Variants in CEBPZ observed in about 807,000 individuals in gnomAD.
CEBPZ encodes CCAAT enhancer binding protein zeta.
In CEBPZ, 78 loss-of-function variants were observed where a neutral mutation model predicts 104.5. The ratio of observed to expected loss-of-function variants is 0.75; its 90% CI spans 0.62 to 0.90. CEBPZ has a LOEUF of 0.90. CEBPZ is among the 40% of genes least tolerant of loss of function. The probability of loss-of-function intolerance (pLI) is 0.00; values close to 1 mark genes in which losing one functional copy is unlikely to be tolerated. For synonymous variants in CEBPZ, 470 were observed against 427.0 expected, an observed-to-expected ratio of 1.10 and a Z score of -1.24; for missense variants, 1,439 against 1,233.5, an observed-to-expected ratio of 1.17 and a Z score of -2.50.
At chr2:37,202,463 G>A (rs1209690676) in intron 15 of CEBPZ, 3 of 190,614 alleles carry the variant, frequency 1.6e-5, no homozygotes, top group Non-Finnish European at 2.2e-5. Flanking sequence ...TGGCCAACAT[G>A]GTGAAACCCT....
At chr2:37,222,612 C>A (rs1161777123) in intron 3 of CEBPZ, 49 bp from the exon 4 acceptor site, 4 of 1,366,832 alleles carry the variant, frequency 2.9e-6, no homozygotes, top group African/African-American at 1.5e-5. Context: ...CTGGAAGTTG[C>A]AATAAAGTCT....
chr2:37,217,357 C>T (rs530926886), intron 5 of CEBPZ, among the ~76,000 whole-genome samples: 2 of 152,226 alleles, frequency 1.3e-5, no homozygotes, highest in South Asian at 4.2e-4. Flanking sequence ...GCTGACATGG[C>T]ACCACTGCAC....
At chr2:37,221,902 G>T (rs1234257196) in intron 4 of CEBPZ, among the ~76,000 whole-genome samples, 2 of 152,150 alleles carry the variant, frequency 1.3e-5, no homozygotes, top group African/African-American at 4.8e-5. Flanking sequence ...TCTATTAATA[G>T]ACTTTTAATT....
At chr2:37,224,029 C>G (rs924482114) in intron 2 of CEBPZ, among the ~76,000 whole-genome samples, 1 of 152,216 alleles carries the variant, frequency 6.6e-6, no homozygotes, top group African/African-American at 2.4e-5. Flanking sequence ...GTCTCTCAGT[C>G]CCATGTTTGT....
intron 15 of CEBPZ, 53 bp downstream of exon 15, chr2:37,202,731 T>C (rs1231246912): frequency 4.0e-6 from 4 of 995,590 alleles, no homozygotes; most frequent in Admixed American, 5.3e-5. Flanking sequence ...TCTTCTGAAG[T>C]TCCAAGCCAA....
At chr2:37,214,796 T>C in intron 9 of CEBPZ, 90 bp downstream of exon 9, 2 of 784,966 alleles carry the variant, frequency 2.5e-6, no homozygotes, top group East Asian at 2.6e-5. Context: ...ATTATTGAAG[T>C]AGATTATTTC....
intron 2 of CEBPZ, among the ~76,000 whole-genome samples, chr2:37,226,963 ATACT>A (rs1664900504): frequency 6.6e-6 from 1 of 152,144 alleles, no homozygotes; most frequent in Admixed American, 6.5e-5. Context: ...TCTACTTAAC[ATACT>A]TTGTTTACCA....
Position 37,201,919 on chromosome 2 carries a change from A to AAAAG in CEBPZ, c.3026-20_3026-17dup. On this transcript the variant is annotated splice_polypyrimidine_tract_variant and intron_variant, in intron 15 of 15. Transcript: ENST00000234170. ...TGTTTGAGACCTTTGAGAGAAGAAG[A>AAAAG]AAAGATGAGTGTACTACCACACTGT... The AAAAG allele has an allele frequency of 2.5e-6, 4 of 1,610,758 alleles. No homozygotes were observed. Among genetic ancestry groups the AAAAG allele is most frequent in the Non-Finnish European group, 3.4e-6 (4 of 1,178,904 alleles).
intron 12 of CEBPZ, 74 bp downstream of exon 12, chr2:37,211,769 T>G: frequency 2.6e-6 from 3 of 1,139,664 alleles, no homozygotes; most frequent in Non-Finnish European, 3.7e-6. Context: ...TTAAAAACCT[T>G]TAGCAGAAAA....
intron 13 of CEBPZ, chr2:37,209,720 T>C (rs529599057): frequency 8.5e-5 from 13 of 152,298 alleles, no homozygotes; most frequent in African/African-American, 2.9e-4. Flanking sequence ...CTTCTAGACA[T>C]TGGCTTAAGT....
chr2:37,230,755 G>A (rs1485848758), intron 1 of CEBPZ, among the ~76,000 whole-genome samples: 1 of 152,090 alleles, frequency 6.6e-6, no homozygotes, highest in Non-Finnish European at 1.5e-5. Flanking sequence ...AATAGGTTAG[G>A]CACTCTTCTG....
At chr2:37,210,827 G>A (rs1218640372) in intron 13 of CEBPZ, 172 bp downstream of exon 13, 7 of 480,146 alleles carry the variant, frequency 1.5e-5, no homozygotes, top group African/African-American at 4.0e-5. Context: ...ATCTGAATGC[G>A]AGAAACAATT....
intron 4 of CEBPZ, among the ~76,000 whole-genome samples, chr2:37,220,761 C>T (rs1212872216): frequency 1.3e-5 from 2 of 152,066 alleles, no homozygotes; most frequent in Non-Finnish European, 2.9e-5. Context: ...GAGGCTGAGG[C>T]GAGTGGATCA....
At chr2:37,207,551 T>C (rs931365122) in intron 13 of CEBPZ, among the ~76,000 whole-genome samples, 4 of 152,206 alleles carry the variant, frequency 2.6e-5, no homozygotes, top group African/African-American at 9.7e-5. Flanking sequence ...TGCTCTTGAA[T>C]GATCTTTGTG....
At chr2:37,229,297 C>G (rs547131402) in intron 1 of CEBPZ, among the ~76,000 whole-genome samples, 1 of 151,940 alleles carries the variant, frequency 6.6e-6, no homozygotes, top group Non-Finnish European at 1.5e-5. Context: ...AAAAAAAATA[C>G]AAGCAATTCC....
At position 37,223,283 on chromosome 2, in the gene CEBPZ, A is replaced by G. The variant is rs974417480; in HGVS notation, c.1768T>C (p.Leu590=). 9.9e-6 allele frequency: 16 copies of G among 1,613,998 alleles called. No individual in the cohort carries two copies. The highest frequency in any genetic ancestry group is 1.7e-5 in the Admixed American group (1 of 59,994). The change falls in exon 3 of 16, where the codon TTA becomes CTA. Residue 590 remains leucine (L), a synonymous_variant. Coordinates refer to ENST00000234170, the MANE Select transcript of CEBPZ (RefSeq NM_005760.3). ...ATCTGTTGACAAGTAACTTGAAGTA[A>G]CCTCTTCACAAAAGCCTTCACCCGG... ...LRRVKAFVKR[L]LQVTCQQMPP...
intron 13 of CEBPZ, chr2:37,209,009 A>G (rs1677630530): frequency 6.6e-6 from 1 of 150,970 alleles, no homozygotes; most frequent in South Asian, 2.1e-4. Flanking sequence ...CCAAGCTGAG[A>G]ATCAAATCAA....
At chr2:37,215,508 A>C (rs981040472) in intron 8 of CEBPZ, 1 of 152,422 alleles carries the variant, frequency 6.6e-6, no homozygotes, top group Non-Finnish European at 1.5e-5. Flanking sequence ...ATTCTAACTT[A>C]CTAACTGTGG....
chr2:37,217,160 G>A (rs1041330596), intron 5 of CEBPZ, 123 bp from the exon 6 acceptor site: 5 of 708,622 alleles, frequency 7.1e-6, no homozygotes, highest in East Asian at 5.7e-5. Context: ...CACTTTGGGA[G>A]GCTCAGGCAG....
Sources: gnomAD v4.1 joint callset for allele counts (sites outside exome capture counted in the v4.1 genomes callset) on GRCh38, gnomAD v4.1.1 for gene constraint, MANE v1.5 for transcripts, NCBI Gene and HGNC (gene_info 2026-07-23, HGNC 2026-07-21) for gene names.